Variants in PPM1L observed in about 807,000 individuals in gnomAD.
PPM1L encodes protein phosphatase, Mg2+/Mn2+ dependent 1L.
Under a neutral mutation model 31.4 loss-of-function variants are expected in PPM1L, and 13 were observed. The observed-to-expected ratio is 0.41, with a 90% CI of 0.27 to 0.66. PPM1L has a LOEUF of 0.66. PPM1L is among the 30% of genes least tolerant of loss of function. PPM1L has a pLI of 0.29. For missense variants in PPM1L, 326 were observed against 453.7 expected (o/e 0.72, Z 2.56); for synonymous variants, 184 against 175.4 (o/e 1.05, Z -0.39).
chr3:160,760,073 T>C (rs1829716), intron 1 of PPM1L, among the ~76,000 whole-genome samples: 64,077 of 152,036 alleles, frequency 0.42, 14,309 homozygotes, highest in East Asian at 0.6. Context: ...CTTTTATCTC[T>C]ATGAAGATGT....
intron 1 of PPM1L, among the ~76,000 whole-genome samples, chr3:160,788,745 T>C (rs1712011753): frequency 1.3e-5 from 2 of 152,090 alleles, no homozygotes; most frequent in African/African-American, 4.8e-5. Context: ...AATTGAGTTA[T>C]ATAAAAATTT....
Position 160,756,787 on chromosome 3 carries a change from G to A in PPM1L, c.399+80G>A, listed in dbSNP as rs1714820622. 1.5e-6 allele frequency: 2 copies of A among 1,350,492 alleles called. No homozygotes were observed. Among genetic ancestry groups the A allele is most frequent in the Non-Finnish European group, 1.0e-6 (1 of 994,756 alleles). The allele number at this position is 1,350,492 out of a possible 1,614,324, so 83.7% of individuals were successfully genotyped here. A position where few individuals can be genotyped will look rare whatever the true frequency, so the allele number is the denominator to read the frequency against. On this transcript the variant is annotated intron_variant, in intron 1 of 3. Transcript: ENST00000498165. The surrounding 1 kb of genome is among the most constrained non-coding windows in gnomAD (Gnocchi z 6.2). ...TGTGTGTGTGTGTGTGTGTGTGTGT[G>A]TGTATAAACAACAGGACAGCGTGTG...
intron 1 of PPM1L, among the ~76,000 whole-genome samples, chr3:160,935,109 GCATGAGTGAAGAC>G (rs1714924274): frequency 6.6e-6 from 1 of 152,038 alleles, no homozygotes; most frequent in South Asian, 2.1e-4. Flanking sequence ...TATAACCCTG[GCATGAGTGAAGAC>G]CTGTGTGTTA....
At chr3:160,974,859 A>G (rs1427651260) in intron 2 of PPM1L, among the ~76,000 whole-genome samples, 1 of 146,076 alleles carries the variant, frequency 6.8e-6, no homozygotes, top group Non-Finnish European at 1.5e-5. Flanking sequence ...TTTGCTGTGC[A>G]GAAGCTCTTT....
chr3:160,897,996 T>G (rs1024986971), intron 1 of PPM1L, among the ~76,000 whole-genome samples: 23 of 152,194 alleles, frequency 1.5e-4, no homozygotes, highest in African/African-American at 4.8e-4. Context: ...CATGTACCCT[T>G]AATATCATTA....
chr3:160,772,883 G>A (rs974564186), intron 1 of PPM1L, among the ~76,000 whole-genome samples: 1 of 151,574 alleles, frequency 6.6e-6, no homozygotes, highest in Non-Finnish European at 1.5e-5. Flanking sequence ...CATCCATGTT[G>A]TTCCACTTAT....
chr3:160,781,299 T>C (rs1711742353), intron 1 of PPM1L, among the ~76,000 whole-genome samples: 1 of 152,172 alleles, frequency 6.6e-6, no homozygotes, highest in Non-Finnish European at 1.5e-5. Flanking sequence ...ATTATATGCT[T>C]TTATTTTCTT....
At chr3:160,961,225 A>G (rs1022444645) in intron 1 of PPM1L, among the ~76,000 whole-genome samples, 1 of 152,142 alleles carries the variant, frequency 6.6e-6, no homozygotes, top group Non-Finnish European at 1.5e-5. Flanking sequence ...TGTTTATCCC[A>G]TTATTTCATT....
intron 1 of PPM1L, among the ~76,000 whole-genome samples, chr3:160,842,723 T>C (rs1468031277): frequency 6.6e-6 from 1 of 152,192 alleles, no homozygotes; most frequent in Non-Finnish European, 1.5e-5. Flanking sequence ...TTCCTTACTG[T>C]CTGATAGTTG....
intron 1 of PPM1L, among the ~76,000 whole-genome samples, chr3:160,800,884 A>G (rs1712404708): frequency 1.3e-5 from 2 of 152,298 alleles, no homozygotes; most frequent in South Asian, 4.1e-4. Flanking sequence ...AATTTAGGCA[A>G]CATTTAAACA....
At chr3:160,918,863 A>G (rs1279793597) in intron 1 of PPM1L, among the ~76,000 whole-genome samples, 2 of 152,224 alleles carry the variant, frequency 1.3e-5, no homozygotes, top group African/African-American at 4.8e-5. Flanking sequence ...ATGATAAAAA[A>G]TTAGATGGCA....
chr3:161,042,213 G>A (rs1436615622), intron 2 of PPM1L, among the ~76,000 whole-genome samples: 3 of 151,964 alleles, frequency 2.0e-5, no homozygotes, highest in East Asian at 3.9e-4. Context: ...TTCCTTCTTT[G>A]GCCTCCCATT....
rs1714820367 is a variant in PPM1L, at chr3:160,756,782, TG to T, written c.399+76del. The T allele has an allele frequency of 7.0e-6, 10 of 1,427,034 alleles. No homozygotes were observed. The African/African-American group carries it at 1.5e-4, about 21-fold the overall frequency. 88.4% of individuals were successfully genotyped at this position (1,427,034 alleles called of 1,614,324 possible). A position where few individuals can be genotyped will look rare whatever the true frequency, so the allele number is the denominator to read the frequency against. ...GTGTGTGTGTGTGTGTGTGTGTGTG[TG>T]TGTGTGTATAAACAACAGGACAGCG... On this transcript the variant is annotated intron_variant, in intron 1 of 3. Transcript: ENST00000498165. This position sits in a 1 kb window ranked among gnomAD's most constrained non-coding sequence, Gnocchi z 6.2.
intron 1 of PPM1L, among the ~76,000 whole-genome samples, chr3:160,866,325 A>G (rs1237592311): frequency 6.6e-6 from 1 of 152,214 alleles, no homozygotes; most frequent in African/African-American, 2.4e-5. Flanking sequence ...AGGTTATTGC[A>G]GCTGTTTGCT....
intron 1 of PPM1L, among the ~76,000 whole-genome samples, chr3:160,945,518 C>T (rs936683252): frequency 6.6e-6 from 1 of 152,076 alleles, no homozygotes; most frequent in Non-Finnish European, 1.5e-5. Context: ...GTAAATAATT[C>T]ATTAGTTAAT....
chr3:160,948,645 T>C (rs140591162), intron 1 of PPM1L, among the ~76,000 whole-genome samples: 1 of 152,220 alleles, frequency 6.6e-6, no homozygotes, highest in Non-Finnish European at 1.5e-5. Context: ...GTACACAAGG[T>C]CAGTTAGTTT....
chr3:160,779,827 C>T (rs1480462689), intron 1 of PPM1L, among the ~76,000 whole-genome samples: 8 of 152,058 alleles, frequency 5.3e-5, no homozygotes, highest in South Asian at 2.1e-4. Flanking sequence ...CCACTGCGTC[C>T]GGCCTCTGCT....
chr3:161,016,635 A>T (rs1212481291), intron 2 of PPM1L, among the ~76,000 whole-genome samples: 1 of 152,210 alleles, frequency 6.6e-6, no homozygotes, highest in Admixed American at 6.5e-5. Context: ...TTATTTCATC[A>T]TGTTCCTATT....
At chr3:161,032,727 C>A (rs568478152) in intron 2 of PPM1L, among the ~76,000 whole-genome samples, 4 of 149,914 alleles carry the variant, frequency 2.7e-5, no homozygotes, top group East Asian at 2.0e-4. Flanking sequence ...GAGTCTTACT[C>A]TATAGCCCAA....
Sources: allele counts gnomAD v4.1 joint callset (sites outside exome capture counted in the v4.1 genomes callset), GRCh38; gene constraint gnomAD v4.1.1; non-coding constraint Gnocchi (gnomAD v3.1); transcripts MANE v1.5; gene names NCBI Gene and HGNC (gene_info 2026-07-23, HGNC 2026-07-21).